Variants in FREM1 observed in about 807,000 individuals in gnomAD.
FREM1 encodes FRAS1-related extracellular matrix protein 1.
FREM1 carries 220 observed loss-of-function variants against 210.1 expected under a neutral mutation model. That is an observed-to-expected ratio of 1.05 (90% CI 0.94 to 1.17). The LOEUF (loss-of-function observed/expected upper bound fraction) is 1.17. Among genes scored for constraint, FREM1 ranks in the 50% most tolerant of loss-of-function variants. The pLI is 0.00. For synonymous variants in FREM1, 1,189 were observed against 980.2 expected (o/e 1.21, Z -3.98); for missense variants, 3,454 against 2,675.5 (o/e 1.29, Z -6.42).
chr9:14,884,477 A>T (rs1835416018), intron 1 of FREM1, among the ~76,000 whole-genome samples: 1 of 152,090 alleles, frequency 6.6e-6, no homozygotes, highest in Non-Finnish European at 1.5e-5. Context: ...CTGAAATGTG[A>T]AAAAACACGC....
Position 14,851,612 on chromosome 9 carries a change from T to C in FREM1, c.829-5A>G. 1.3e-6 allele frequency: 2 copies of C among 1,594,668 alleles called. No individual in the cohort carries two copies. Among genetic ancestry groups the C allele is most frequent in the Non-Finnish European group, 1.7e-6 (2 of 1,162,306 alleles). Reference sequence around the variant, plus strand: ...AGGCAGCCACGCACTCTCTGACTTTTGAAGGATAGAGAAAATATAAAGGAG... The same window carrying C: ...AGGCAGCCACGCACTCTCTGACTTTCGAAGGATAGAGAAAATATAAAGGAG... On this transcript the variant is annotated splice_polypyrimidine_tract_variant and splice_region_variant and intron_variant, in intron 5 of 36. Coordinates refer to ENST00000380880, the MANE Select transcript of FREM1 (RefSeq NM_001379081.2).
At chr9:14,823,352 TGTGG>T (rs762460742) in intron 12 of FREM1, 25 bp from the exon 13 acceptor site, 24 of 1,602,946 alleles carry the variant, frequency 1.5e-5, no homozygotes, top group Non-Finnish European at 2.6e-6. Context: ...GAGATGGATA[TGTGG>T]GTGCTGACTT....
At chr9:14,748,047 G>C (rs1292157016) in intron 31 of FREM1, among the ~76,000 whole-genome samples, 1 of 152,142 alleles carries the variant, frequency 6.6e-6, no homozygotes, top group African/African-American at 2.4e-5. Context: ...GCAATGGTTA[G>C]AATGCTGTGT....
In FREM1 at chr9:14,807,989, G is replaced by A. The variant is rs769462578; in HGVS notation, c.3039C>T (p.Leu1013=). Residue 1013 remains leucine (L), a synonymous_variant, in exon 17 of 37, where the codon CTC becomes CTT. Transcript: ENST00000380880. ...PLHASFPVYD[L]NITVYPVDNQ... ...TGTCTACTGGGTATACCGTGATGTTGAGATCATACACTGGAAAGGACGCAT... is the reference window on the plus strand; with the variant it reads ...TGTCTACTGGGTATACCGTGATGTTAAGATCATACACTGGAAAGGACGCAT... 2 of 1,613,792 alleles carry A rather than the reference G, an allele frequency of 1.2e-6. No homozygotes were observed. Among genetic ancestry groups the A allele is most frequent in the Non-Finnish European group, 1.7e-6 (2 of 1,179,752 alleles).
At chr9:14,757,319 C>T (rs1844585159) in intron 28 of FREM1, among the ~76,000 whole-genome samples, 1 of 152,184 alleles carries the variant, frequency 6.6e-6, no homozygotes, top group Non-Finnish European at 1.5e-5. Context: ...CTCTGGGAGG[C>T]AGAGGTGGGT....
chr9:14,837,009 T>G (rs1824751024), intron 10 of FREM1, among the ~76,000 whole-genome samples: 1 of 152,206 alleles, frequency 6.6e-6, no homozygotes. Context: ...CTTAGTCAGG[T>G]GGGCAACCTT....
Position 14,746,389 on chromosome 9 carries a change from C to A in FREM1, c.6218G>T (p.Gly2073Val). The change falls in exon 35 of 37, where the codon GGC becomes GTC. Residue 2073 changes from glycine to valine, a missense_variant. Transcript: ENST00000380880. Reference protein sequence around the residue: ...YCHILITEQKGTWNAAAQACR... With the variant: ...YCHILITEQKVTWNAAAQACR... ...AGCTTGGGCAGCCGCATTCCAGGTG[C>A]CTTTCTGCTCTGTGATCAAGATGTG... is the stretch of plus-strand genomic sequence containing the variant. 2 of 1,613,850 alleles carry A rather than the reference C, an allele frequency of 1.2e-6. No individual in the cohort carries two copies. Among genetic ancestry groups the A allele is most frequent in the Non-Finnish European group, 1.7e-6 (2 of 1,179,752 alleles).
chr9:14,886,384 CAA>C (rs60702421), intron 1 of FREM1, among the ~76,000 whole-genome samples: 1,637 of 59,550 alleles, frequency 0.027, 6 homozygotes, highest in African/African-American at 0.11. Context: ...GACTCCGACT[CAA>C]AAAAAAAAAA....
At chr9:14,758,224 T>C (rs10810234) in intron 28 of FREM1, among the ~76,000 whole-genome samples, 18,364 of 152,188 alleles carry the variant, frequency 0.12, 1,236 homozygotes, top group Non-Finnish European at 0.15. Flanking sequence ...CTGTGCTTGA[T>C]GAAGGCCTGC....
At chr9:14,756,509 T>G (rs1844403946) in intron 28 of FREM1, 63 bp from the exon 29 acceptor site, 2 of 1,179,494 alleles carry the variant, frequency 1.7e-6, no homozygotes, top group East Asian at 5.1e-5. Flanking sequence ...GAGAAACAGC[T>G]ATTCTCCCTC....
Position 14,756,450 on chromosome 9 carries a change from A to C in FREM1, c.5335-4T>G. ...CTGCAGCTGACACTTGGTTGACCTTAGGAGGGAAAAAAAAATCTTTTTAAG... is the reference window on the plus strand; with the variant it reads ...CTGCAGCTGACACTTGGTTGACCTTCGGAGGGAAAAAAAAATCTTTTTAAG... On this transcript the variant is annotated splice_polypyrimidine_tract_variant and splice_region_variant and intron_variant, in intron 28 of 36. Transcript: ENST00000380880. The C allele has an allele frequency of 6.3e-7, 1 of 1,580,018 alleles. No homozygotes were observed. Among genetic ancestry groups the C allele is most frequent in the Non-Finnish European group, 8.6e-7 (1 of 1,161,680 alleles).
intron 35 of FREM1, among the ~76,000 whole-genome samples, chr9:14,742,277 T>C (rs2131904956): frequency 6.6e-6 from 1 of 152,258 alleles, no homozygotes; most frequent in Non-Finnish European, 1.5e-5. Flanking sequence ...TAAGTATAGG[T>C]AGACTTCAGG....
At chr9:14,857,415 T>C (rs908477428) in intron 5 of FREM1, 138 bp downstream of exon 5, 4 of 789,304 alleles carry the variant, frequency 5.1e-6, no homozygotes, top group African/African-American at 3.4e-5. Flanking sequence ...AAGCCTGCAG[T>C]TCCAATGAGT....
intron 1 of FREM1, among the ~76,000 whole-genome samples, chr9:14,903,554 G>A (rs888336402): frequency 6.6e-6 from 1 of 152,054 alleles, no homozygotes; most frequent in African/African-American, 2.4e-5. Context: ...GATTCCGTAA[G>A]ACCTCATCAT....
intron 19 of FREM1, 41 bp from the exon 20 acceptor site, chr9:14,801,915 G>T (rs772658176): frequency 7.0e-7 from 1 of 1,430,164 alleles, no homozygotes; most frequent in Non-Finnish European, 9.6e-7. Flanking sequence ...ATGCATAAAA[G>T]ACAACTTGTC....
chr9:14,837,921 C>A (rs1824931059), intron 10 of FREM1, among the ~76,000 whole-genome samples: 1 of 152,194 alleles, frequency 6.6e-6, no homozygotes, highest in African/African-American at 2.4e-5. Flanking sequence ...TGAGTACTCA[C>A]TGTGCTACTA....
chr9:14,848,896 T>C, intron 6 of FREM1, 123 bp from the exon 7 acceptor site: 1 of 498,010 alleles, frequency 2.0e-6, no homozygotes, highest in South Asian at 3.9e-5. Flanking sequence ...ATTTCTGCAG[T>C]TCCCACATCT....
intron 1 of FREM1, among the ~76,000 whole-genome samples, chr9:14,870,367 C>G (rs929256509): frequency 1.3e-5 from 2 of 152,088 alleles, no homozygotes; most frequent in African/African-American, 4.8e-5. Flanking sequence ...GGTATCAGTC[C>G]CAGAGTAAAA....
At chr9:14,831,392 G>T (rs1823530329) in intron 10 of FREM1, among the ~76,000 whole-genome samples, 1 of 152,168 alleles carries the variant, frequency 6.6e-6, no homozygotes, top group East Asian at 1.9e-4. Context: ...AAGCCACCTG[G>T]TAGAAATCAG....
Sources: gnomAD v4.1 joint callset for allele counts (sites outside exome capture counted in the v4.1 genomes callset) on GRCh38, gnomAD v4.1.1 for gene constraint, MANE v1.5 for transcripts, NCBI Gene and HGNC (gene_info 2026-07-23, HGNC 2026-07-21) for gene names.